ZDBF2: variants seen among roughly 807,000 people sequenced by gnomAD.
ZDBF2 encodes DBF4-type zinc finger-containing protein 2.
ZDBF2 carries 6 observed loss-of-function variants against 9.4 expected under a neutral mutation model. The observed-to-expected ratio is 0.64, with a 90% confidence interval of 0.35 to 1.27. The LOEUF is 1.27. Ranked by LOEUF, ZDBF2 falls within the 50% of genes most tolerant of loss-of-function variation. The probability of loss-of-function intolerance (pLI) is 0.03; values close to 1 mark genes in which losing one functional copy is unlikely to be tolerated. For synonymous variants in ZDBF2, 905 were observed against 946.3 expected (o/e 0.96, Z 0.80); for missense variants, 2,697 against 2,766.8 (o/e 0.97, Z 0.57).
Position 206,308,886 on chromosome 2 carries a change from A to C in ZDBF2, c.4358A>C (p.Glu1453Ala). ...ENKNCEVCGS[E>A]IKCHSCVHLQ... The stretch of plus-strand genomic sequence containing the variant: ...AAGAACTGTGAAGTCTGTGGTTCTG[A>C]AATAAAATGTCATTCTTGTGTTCAT... Residue 1453 changes from glutamate to alanine, a missense_variant, in exon 5 of 5, where the codon GAA becomes GCA. Around this residue, in one of 3 missense-constraint regions of ZDBF2, gnomAD observed 1,783 missense variants for 1,776.5 expected, o/e 1.00. Coordinates refer to ENST00000374423, the MANE Select transcript of ZDBF2 (RefSeq NM_020923.3). 1 of 1,612,730 alleles carries C rather than the reference A, an allele frequency of 6.2e-7. No individual in the cohort carries two copies. The highest frequency in any genetic ancestry group is 1.1e-5 in the South Asian group (1 of 90,702).
chr2:206,304,643 T>A (rs1692667704), intron 4 of ZDBF2, 74 bp from the exon 5 acceptor site: 2 of 1,504,260 alleles, frequency 1.3e-6, no homozygotes, highest in South Asian at 2.7e-5. Context: ...GCAAATAACA[T>A]TTATTATGCC....
rs1692934257 is a variant in ZDBF2, at chr2:206,308,320, C to G, written c.3792C>G (p.Val1264=). The G allele has an allele frequency of 6.2e-7, 1 of 1,613,618 alleles. No homozygotes were observed. The highest frequency in any genetic ancestry group is 1.3e-5 in the African/African-American group (1 of 74,914). Residue 1264 remains valine (V), a synonymous_variant, in exon 5 of 5, where the codon GTC becomes GTG. Transcript: ENST00000374423. The part of the protein sequence containing the change: ...AGQPEEVVKE[V]SLWKEHVDLE... ...AACCTGAAGAAGTAGTTAAGGAGGT[C>G]AGTCTTTGGAAAGAGCATGTTGACT...
rs1692790536 is a variant in ZDBF2, at chr2:206,306,282, G to T, written c.1754G>T (p.Cys585Phe). 6.2e-7 allele frequency: 1 copy of T among 1,613,488 alleles called. No individual in the cohort carries two copies. Among genetic ancestry groups the T allele is most frequent in the Admixed American group, 1.7e-5 (1 of 59,916 alleles). Residue 585 changes from cysteine to phenylalanine, a missense_variant, in exon 5 of 5, where the codon TGT becomes TTT. By Grantham distance (205) the Cys-to-Phe change is radical (BLOSUM62 -2). Around this residue, in one of 3 missense-constraint regions of ZDBF2, gnomAD observed 910 missense variants for 973.6 expected, o/e 0.93. Transcript: ENST00000374423. The part of the protein sequence containing the change: ...GSSCSETSFD[C>F]DVSLESVVDH... Reference sequence around the variant, plus strand: ...AGTTGTTCTGAAACAAGTTTTGATTGTGATGTTTCTCTTGAGTCAGTAGTT... The same window carrying T: ...AGTTGTTCTGAAACAAGTTTTGATTTTGATGTTTCTCTTGAGTCAGTAGTT...
chr2:206,279,885 GC>G (rs1442513574), intron 2 of ZDBF2, among the ~76,000 whole-genome samples: 1 of 152,100 alleles, frequency 6.6e-6, no homozygotes, highest in African/African-American at 2.4e-5. Context: ...GCATGCTGCA[GC>G]CTCCACCTCC....
At chr2:206,302,395 G>A (rs1692552893) in intron 4 of ZDBF2, among the ~76,000 whole-genome samples, 1 of 152,022 alleles carries the variant, frequency 6.6e-6, no homozygotes, top group African/African-American at 2.4e-5. Flanking sequence ...AGTTAAATGT[G>A]GATTATGATT....
In ZDBF2 at chr2:206,311,779, G is replaced by C; in HGVS notation, c.*186G>C. 1.9e-6 allele frequency: 1 copy of C among 536,652 alleles called. No homozygotes were observed. The highest frequency in any genetic ancestry group is 2.8e-6 in the Non-Finnish European group (1 of 357,884). 33.2% of individuals were successfully genotyped at this position (536,652 alleles called of 1,614,324 possible). ...AGTGTTTAGAGTCCTTTCATTTTAA[G>C]ATTCAGAAACAGCCTTTGTCCAACA... On this transcript the variant is annotated 3_prime_UTR_variant, in exon 5 of 5. Transcript: ENST00000374423.
rs1403373434 is a variant in ZDBF2, at chr2:206,312,364, C to T, written c.*771C>T. ...ATCCAGGTTATTTTGTGGCCTTATC[C>T]CCTAAAAATATTTTAGGCATTACCA... is the stretch of plus-strand genomic sequence containing the variant. On this transcript the variant is annotated 3_prime_UTR_variant, in exon 5 of 5. Transcript: ENST00000374423. 1 of 151,814 alleles carries T rather than the reference C, an allele frequency of 6.6e-6. No homozygotes were observed. Among genetic ancestry groups the T allele is most frequent in the African/African-American group, 2.4e-5 (1 of 41,308 alleles). The allele number at this position is 151,814 out of a possible 1,614,324, so 9.4% of individuals were successfully genotyped here. A position where few individuals can be genotyped will look rare whatever the true frequency, so the allele number is the denominator to read the frequency against.
chr2:206,276,670 C>T (rs1251586377), intron 1 of ZDBF2, among the ~76,000 whole-genome samples: 1 of 152,208 alleles, frequency 6.6e-6, no homozygotes, highest in African/African-American at 2.4e-5. Context: ...AGACCTGCAA[C>T]AAGATACCTC....
chr2:206,284,616 C>T (rs1691504400), intron 3 of ZDBF2, among the ~76,000 whole-genome samples: 1 of 152,192 alleles, frequency 6.6e-6, no homozygotes, highest in Non-Finnish European at 1.5e-5. Context: ...CTGACTTCTT[C>T]CCAGCTTCTA....
intron 4 of ZDBF2, among the ~76,000 whole-genome samples, chr2:206,297,687 G>A (rs1182993532): frequency 1.3e-5 from 2 of 151,788 alleles, no homozygotes; most frequent in African/African-American, 2.4e-5. Flanking sequence ...TTTTTTGTTT[G>A]TTTGTTTTTG....
intron 4 of ZDBF2, among the ~76,000 whole-genome samples, chr2:206,298,225 G>A (rs1320351319): frequency 6.6e-6 from 1 of 152,150 alleles, no homozygotes; most frequent in Non-Finnish European, 1.5e-5. Context: ...AATGCCCTAT[G>A]TTAAAGAAAA....
chr2:206,279,836 G>A (rs556878712), intron 2 of ZDBF2, among the ~76,000 whole-genome samples: 6 of 152,030 alleles, frequency 3.9e-5, no homozygotes, highest in East Asian at 1.9e-4. Context: ...ACAAAGCCTC[G>A]CTCTGTCACC....
Position 206,307,170 on chromosome 2 carries a change from A to G in ZDBF2, c.2642A>G (p.His881Arg), listed in dbSNP as rs1419284076. 6.2e-7 allele frequency: 1 copy of G among 1,613,516 alleles called. No individual in the cohort carries two copies. Among genetic ancestry groups the G allele is most frequent in the East Asian group, 2.2e-5 (1 of 44,872 alleles). The stretch of plus-strand genomic sequence containing the variant: ...AGTTCGGATTCCCATGCCCCTCTTC[A>G]TTCAGTGACTAATTCTCCCGAAGTA... The part of the protein sequence containing the change: ...EISSDSHAPL[H>R]SVTNSPEVAV... Residue 881 changes from histidine to arginine, a missense_variant, in exon 5 of 5, where the codon CAT becomes CGT. By Grantham distance (29) the His-to-Arg change is conservative (BLOSUM62 0). Transcript: ENST00000374423.
Position 206,307,557 on chromosome 2 carries a change from C to T in ZDBF2, c.3029C>T (p.Ser1010Leu). 1 of 1,613,706 alleles carries T rather than the reference C, an allele frequency of 6.2e-7. No individual in the cohort carries two copies. The highest frequency in any genetic ancestry group is 8.5e-7 in the Non-Finnish European group (1 of 1,179,750). The change falls in exon 5 of 5, where the codon TCA (serine) becomes TTA (leucine). Residue 1010 changes from serine (S) to leucine (L), a missense_variant. Physicochemically the swap from Ser to Leu is moderately radical, Grantham distance 145. Around this residue, in one of 3 missense-constraint regions of ZDBF2, gnomAD observed 1,783 missense variants for 1,776.5 expected, o/e 1.00. Coordinates refer to ENST00000374423, the MANE Select transcript of ZDBF2 (RefSeq NM_020923.3). ...TSLDSGVPHY[S>L]VTEPQVAVNK... ...TTAGATTCTGGTGTCCCTCATTATT[C>T]AGTAACTGAACCTCAAGTAGCTGTT... is the stretch of plus-strand genomic sequence containing the variant.
At chr2:206,283,352 G>A (rs1376564929) in intron 3 of ZDBF2, among the ~76,000 whole-genome samples, 11 of 152,000 alleles carry the variant, frequency 7.2e-5, no homozygotes, top group Admixed American at 4.6e-4. Flanking sequence ...GTTTCTCCAC[G>A]TTCTTGTCAG....
At chr2:206,292,372 G>A (rs974463124) in intron 3 of ZDBF2, among the ~76,000 whole-genome samples, 1 of 152,024 alleles carries the variant, frequency 6.6e-6, no homozygotes, top group African/African-American at 2.4e-5. Context: ...ATGATGAAAC[G>A]TAGTCCACAA....
At chr2:206,293,316 C>CT (rs1448409651) in intron 3 of ZDBF2, among the ~76,000 whole-genome samples, 1 of 152,000 alleles carries the variant, frequency 6.6e-6, no homozygotes, top group Non-Finnish European at 1.5e-5. Context: ...TAGAAGTAGA[C>CT]TATGATTTGG....
chr2:206,306,117 ACTATGGTTCCAGTAG>A lies in ZDBF2; in HGVS notation c.1592_1606del (p.Tyr531_Ser535del). On this transcript the variant is annotated inframe_deletion, in exon 5 of 5. Transcript: ENST00000374423. ...GTGCACATTGGTTTGGTTGATAAGA[ACTATGGTTCCAGTAG>A]CTCTGAAGTAAGTGCTGATTCTGTT... 6.2e-7 allele frequency: 1 copy of A among 1,613,864 alleles called. No individual in the cohort carries two copies. The highest frequency in any genetic ancestry group is 1.3e-5 in the African/African-American group (1 of 75,052).
At chr2:206,302,174 T>C (rs1453048747) in intron 4 of ZDBF2, among the ~76,000 whole-genome samples, 1 of 151,936 alleles carries the variant, frequency 6.6e-6, no homozygotes, top group Non-Finnish European at 1.5e-5. Context: ...ATGCCTGGCT[T>C]ATTTTTTAAA....
Sources: allele counts gnomAD v4.1 joint callset (sites outside exome capture counted in the v4.1 genomes callset), GRCh38; gene constraint gnomAD v4.1.1; regional missense constraint gnomAD v4.1.1; transcripts MANE v1.5; gene names NCBI Gene and HGNC (gene_info 2026-07-23, HGNC 2026-07-21).